SORCS3: variants seen among roughly 807,000 people sequenced by gnomAD.
SORCS3 encodes sortilin related VPS10 domain containing receptor 3, also known as VPS10 domain-containing receptor SorCS3.
SORCS3 carries 57 observed loss-of-function variants against 146.3 expected under a neutral mutation model. That is an observed-to-expected ratio of 0.39 (90% CI 0.31 to 0.49). The LOEUF (loss-of-function observed/expected upper bound fraction) is 0.49. Ranked by LOEUF, SORCS3 falls within the 20% of genes least tolerant of loss-of-function variation. The pLI, the probability that SORCS3 is intolerant of heterozygous loss-of-function variation, is 0.92. For missense variants in SORCS3, 1,341 were observed against 1,575.5 expected (o/e 0.85, Z 2.52); for synonymous variants, 653 against 618.5 (o/e 1.06, Z -0.83).
intron 5 of SORCS3, among the ~76,000 whole-genome samples, chr10:105,080,306 T>A (rs1351966383): frequency 6.6e-6 from 1 of 152,234 alleles, no homozygotes; most frequent in East Asian, 1.9e-4. Flanking sequence ...TCTCTAATGA[T>A]CAATGATGTT....
At chr10:104,763,626 T>C (rs923783497) in intron 1 of SORCS3, among the ~76,000 whole-genome samples, 4 of 152,238 alleles carry the variant, frequency 2.6e-5, no homozygotes, top group Non-Finnish European at 4.4e-5. Flanking sequence ...TGGACTTCTA[T>C]GCTCCACTTG....
At chr10:104,777,327 A>G (rs953037170) in intron 1 of SORCS3, among the ~76,000 whole-genome samples, 2 of 152,188 alleles carry the variant, frequency 1.3e-5, no homozygotes, top group African/African-American at 4.8e-5. Context: ...CTCCGGGGGT[A>G]GCTGCACAGT....
intron 1 of SORCS3, among the ~76,000 whole-genome samples, chr10:104,806,956 A>G (rs571521687): frequency 6.6e-6 from 1 of 152,194 alleles, no homozygotes; most frequent in African/African-American, 2.4e-5. Flanking sequence ...TCCATTTTGG[A>G]TGATGACACA....
chr10:105,029,231 C>G (rs1295154538), intron 4 of SORCS3, among the ~76,000 whole-genome samples: 1 of 152,200 alleles, frequency 6.6e-6, no homozygotes, highest in Non-Finnish European at 1.5e-5. Flanking sequence ...AACTCTAATG[C>G]AGAGTTGAGA....
chr10:105,242,243 T>C (rs2056827964), intron 20 of SORCS3, among the ~76,000 whole-genome samples: 2 of 142,812 alleles, frequency 1.4e-5, no homozygotes, highest in Admixed American at 7.4e-5. Flanking sequence ...CATTTATATA[T>C]ATATATTTAT....
chr10:104,992,018 C>G (rs758990876), intron 4 of SORCS3, among the ~76,000 whole-genome samples: 7 of 152,168 alleles, frequency 4.6e-5, no homozygotes, highest in Non-Finnish European at 1.0e-4. Context: ...TCTTATTGCC[C>G]TTTGTGTCCC....
At chr10:105,005,484 G>A (rs1056685123) in intron 4 of SORCS3, among the ~76,000 whole-genome samples, 2 of 152,136 alleles carry the variant, frequency 1.3e-5, no homozygotes, top group Non-Finnish European at 2.9e-5. Context: ...GAAATACAAA[G>A]GCTGAGACTT....
At chr10:104,945,257 T>A (rs994459518) in intron 3 of SORCS3, among the ~76,000 whole-genome samples, 1 of 152,042 alleles carries the variant, frequency 6.6e-6, no homozygotes, top group South Asian at 2.1e-4. Flanking sequence ...TGTTTTGTTT[T>A]GTTTTGTTTT....
intron 4 of SORCS3, among the ~76,000 whole-genome samples, chr10:105,038,175 A>G (rs2055318144): frequency 6.6e-6 from 1 of 152,190 alleles, no homozygotes; most frequent in African/African-American, 2.4e-5. Flanking sequence ...CTTTGCTGGG[A>G]GAGGGTATCA....
intron 11 of SORCS3, among the ~76,000 whole-genome samples, chr10:105,163,883 TACACACACACACACACACACACAC>T (rs67886313): frequency 1.4e-5 from 2 of 138,598 alleles, no homozygotes; most frequent in Non-Finnish European, 3.3e-5. Flanking sequence ...GTTACGCACA[TACACACACACACACACACACACAC>T]ACACACACAC....
chr10:105,242,846 A>C (rs1322189444), intron 20 of SORCS3, among the ~76,000 whole-genome samples: 1 of 104,020 alleles, frequency 9.6e-6, no homozygotes, highest in Non-Finnish European at 1.7e-5. Context: ...ATATATTTTT[A>C]TATATAAATT....
At chr10:105,248,630 C>G (rs970760890) in intron 22 of SORCS3, among the ~76,000 whole-genome samples, 4 of 151,480 alleles carry the variant, frequency 2.6e-5, no homozygotes, top group African/African-American at 4.9e-5. Flanking sequence ...AGGAGAGTCA[C>G]CTGAACCCAA....
At chr10:105,240,950 ATAT>A (rs2056818573) in intron 20 of SORCS3, among the ~76,000 whole-genome samples, 4 of 87,232 alleles carry the variant, frequency 4.6e-5, no homozygotes, top group South Asian at 4.0e-4. Context: ...TGAAAAAAAT[ATAT>A]ATATATATAT....
chr10:105,073,288 G>T (rs1312364966), intron 5 of SORCS3, among the ~76,000 whole-genome samples: 2 of 152,132 alleles, frequency 1.3e-5, no homozygotes, highest in African/African-American at 2.4e-5. Context: ...CGGAGATCTT[G>T]CAGGGGGATT....
intron 5 of SORCS3, among the ~76,000 whole-genome samples, chr10:105,077,087 G>A (rs1310926937): frequency 1.3e-5 from 2 of 152,172 alleles, no homozygotes; most frequent in East Asian, 3.8e-4. Context: ...CAGCCATATA[G>A]AATGTATAAA....
At chr10:105,117,015 G>A (rs2055898505) in intron 7 of SORCS3, among the ~76,000 whole-genome samples, 1 of 151,728 alleles carries the variant, frequency 6.6e-6, no homozygotes, top group Non-Finnish European at 1.5e-5. Flanking sequence ...ACAAACCTGT[G>A]CATGTACCCT....
intron 7 of SORCS3, among the ~76,000 whole-genome samples, chr10:105,123,356 T>C (rs997139463): frequency 6.6e-6 from 1 of 152,196 alleles, no homozygotes; most frequent in African/African-American, 2.4e-5. Context: ...AGGAAAGGGA[T>C]TGCTGTTCAG....
chr10:105,119,553 A>G (rs1445118955), intron 7 of SORCS3, among the ~76,000 whole-genome samples: 1 of 152,168 alleles, frequency 6.6e-6, no homozygotes, highest in Non-Finnish European at 1.5e-5. Flanking sequence ...TGCCTGTGAA[A>G]ACAGTTGGAA....
At chr10:104,903,704 C>A (rs1244419320) in intron 2 of SORCS3, among the ~76,000 whole-genome samples, 1 of 152,176 alleles carries the variant, frequency 6.6e-6, no homozygotes, top group African/African-American at 2.4e-5. Context: ...AGAGTCAAAA[C>A]TATTCTCTAA....
Sources: gnomAD v4.1 joint callset for allele counts (sites outside exome capture counted in the v4.1 genomes callset) on GRCh38, gnomAD v4.1.1 for gene constraint, MANE v1.5 for transcripts, NCBI Gene and HGNC (gene_info 2026-07-23, HGNC 2026-07-21) for gene names.